Variants in MAGI2 observed in about 807,000 individuals in gnomAD.
MAGI2 encodes membrane associated guanylate kinase, WW and PDZ domain containing 2.
In MAGI2, 35 loss-of-function variants were observed where a neutral mutation model predicts 133.3. That is an observed-to-expected ratio of 0.26 (90% CI 0.20 to 0.35). The LOEUF is 0.35. Among genes scored for constraint, MAGI2 ranks in the 10% least tolerant of loss-of-function variants. The probability of loss-of-function intolerance (pLI) is 1.00; values close to 1 mark genes in which losing one functional copy is unlikely to be tolerated. For missense variants in MAGI2, 1,636 were observed against 1,863.4 expected (o/e 0.88, Z 2.25); for synonymous variants, 729 against 710.6 (o/e 1.03, Z -0.41).
intron 1 of MAGI2, among the ~76,000 whole-genome samples, chr7:79,407,608 C>T (rs1009301558): frequency 2.6e-5 from 4 of 152,086 alleles, no homozygotes; most frequent in Admixed American, 6.6e-5. Flanking sequence ...ACGAACATTG[C>T]TATGAGCTTG....
intron 9 of MAGI2, among the ~76,000 whole-genome samples, chr7:78,295,758 C>G (rs1428884935): frequency 1.3e-5 from 2 of 152,068 alleles, no homozygotes; most frequent in Non-Finnish European, 2.9e-5. Flanking sequence ...ATAAGTATCT[C>G]CAGGCACAGT....
At chr7:78,330,783 G>A (rs897417408) in intron 9 of MAGI2, among the ~76,000 whole-genome samples, 1 of 152,152 alleles carries the variant, frequency 6.6e-6, no homozygotes, top group African/African-American at 2.4e-5. Context: ...TCAGGTTGGG[G>A]AGGCAGGGGC....
intron 2 of MAGI2, among the ~76,000 whole-genome samples, chr7:78,668,577 G>A: frequency 6.6e-6 from 1 of 151,644 alleles, no homozygotes; most frequent in Non-Finnish European, 1.5e-5. Flanking sequence ...TGTATAAGGT[G>A]TAAGGAAGGG....
chr7:78,682,470 G>A (rs1055894592), intron 2 of MAGI2, among the ~76,000 whole-genome samples: 12 of 151,976 alleles, frequency 7.9e-5, no homozygotes, highest in African/African-American at 2.2e-4. Flanking sequence ...GAGAACATGC[G>A]GTGTTTTGTT....
chr7:79,442,855 T>C (rs1848581508), intron 1 of MAGI2, among the ~76,000 whole-genome samples: 1 of 152,218 alleles, frequency 6.6e-6, no homozygotes, highest in African/African-American at 2.4e-5. Context: ...TGGAACATTT[T>C]AGTGACCCTC....
At chr7:79,062,433 G>A (rs939668139) in intron 1 of MAGI2, among the ~76,000 whole-genome samples, 13 of 152,258 alleles carry the variant, frequency 8.5e-5, no homozygotes, top group African/African-American at 2.9e-4. Context: ...TTTTGTGGTA[G>A]TTTTTTGAAG....
At chr7:78,345,769 G>A (rs1228658152) in intron 8 of MAGI2, among the ~76,000 whole-genome samples, 153 bp downstream of exon 8, 1 of 152,228 alleles carries the variant, frequency 6.6e-6, no homozygotes, top group Non-Finnish European at 1.5e-5. Flanking sequence ...TTAGTTTAGA[G>A]AGAATGCAAA....
intron 1 of MAGI2, among the ~76,000 whole-genome samples, chr7:79,321,715 A>G (rs1839201900): frequency 6.6e-6 from 1 of 152,214 alleles, no homozygotes; most frequent in Non-Finnish European, 1.5e-5. Context: ...GGAGACTAGA[A>G]CAAAGTGATA....
chr7:79,143,302 C>A (rs555708731), intron 1 of MAGI2, among the ~76,000 whole-genome samples: 1 of 152,288 alleles, frequency 6.6e-6, no homozygotes, highest in South Asian at 2.1e-4. Context: ...TGCTTCATAT[C>A]AGGCTCTAGG....
chr7:79,171,646 C>A (rs1049814964), intron 1 of MAGI2, among the ~76,000 whole-genome samples: 1 of 147,908 alleles, frequency 6.8e-6, no homozygotes, highest in African/African-American at 2.5e-5. Context: ...ACAGGTAACT[C>A]ACTTTTGTGA....
At chr7:78,199,102 A>G (rs955779328) in intron 11 of MAGI2, among the ~76,000 whole-genome samples, 2 of 152,134 alleles carry the variant, frequency 1.3e-5, no homozygotes, top group African/African-American at 4.8e-5. Context: ...GCCTTCACCT[A>G]TTTAGAGTTT....
intron 16 of MAGI2, among the ~76,000 whole-genome samples, chr7:78,138,636 C>T (rs768762458): frequency 0.037 from 4,123 of 110,242 alleles, 119 homozygotes; most frequent in East Asian, 0.11. Flanking sequence ...CACACACACA[C>T]ACACACACAC....
At chr7:78,122,159 C>A (rs182183545) in intron 20 of MAGI2, among the ~76,000 whole-genome samples, 126 of 152,278 alleles carry the variant, frequency 8.3e-4, no homozygotes, top group African/African-American at 3.0e-3. Flanking sequence ...AGAATGAAAT[C>A]ATGGGAGCTT....
intron 21 of MAGI2, among the ~76,000 whole-genome samples, chr7:78,033,488 A>AAAG (rs1809831243): frequency 6.6e-6 from 1 of 151,438 alleles, no homozygotes; most frequent in African/African-American, 2.4e-5. Flanking sequence ...AAAAAAAAAA[A>AAAG]AAAAGAAAAA....
chr7:79,268,240 G>A (rs909333284), intron 1 of MAGI2, among the ~76,000 whole-genome samples: 3 of 152,070 alleles, frequency 2.0e-5, no homozygotes, highest in East Asian at 1.9e-4. Context: ...ATACTTTTGG[G>A]TACTGTTATC....
intron 9 of MAGI2, among the ~76,000 whole-genome samples, chr7:78,275,724 G>T (rs1794995869): frequency 1.3e-5 from 2 of 152,160 alleles, no homozygotes; most frequent in African/African-American, 4.8e-5. Flanking sequence ...AGTTTTTCAT[G>T]AATTCTAAAA....
chr7:79,036,966 C>T (rs916319761), intron 1 of MAGI2, among the ~76,000 whole-genome samples: 3 of 152,276 alleles, frequency 2.0e-5, no homozygotes, highest in South Asian at 2.1e-4. Flanking sequence ...GCCTGCCTTT[C>T]GTTCATGTAG....
At chr7:78,627,484 C>T (rs531993498) in intron 2 of MAGI2, among the ~76,000 whole-genome samples, 135 of 152,164 alleles carry the variant, frequency 8.9e-4, no homozygotes, top group African/African-American at 3.1e-3. Context: ...GATATGGCTG[C>T]GTATATTTTT....
intron 2 of MAGI2, among the ~76,000 whole-genome samples, chr7:78,650,769 A>G (rs763442821): frequency 6.6e-6 from 1 of 152,146 alleles, no homozygotes; most frequent in African/African-American, 2.4e-5. Context: ...ACACAATAAG[A>G]TATAACCAAT....
Sources: gnomAD v4.1 joint callset for allele counts (sites outside exome capture counted in the v4.1 genomes callset) on GRCh38, gnomAD v4.1.1 for gene constraint, MANE v1.5 for transcripts, NCBI Gene and HGNC (gene_info 2026-07-23, HGNC 2026-07-21) for gene names.